RSPO3: variants seen among roughly 807,000 people sequenced by gnomAD.
RSPO3 encodes R-spondin-3.
A neutral mutation model predicts 36.5 loss-of-function variants in RSPO3; 17 were observed. The observed-to-expected ratio is 0.47, with a 90% CI of 0.32 to 0.70. RSPO3 has a LOEUF of 0.70. RSPO3 is among the 30% of genes least tolerant of loss of function. RSPO3 has a pLI of 0.04. For missense variants in RSPO3, 294 were observed against 322.5 expected (o/e 0.91, Z 0.68); for synonymous variants, 108 against 107.0 (o/e 1.01, Z -0.06).
intron 4 of RSPO3, among the ~76,000 whole-genome samples, chr6:127,168,516 G>T (rs1774871308): frequency 6.6e-6 from 1 of 152,042 alleles, no homozygotes; most frequent in Admixed American, 6.6e-5. Context: ...TTTTTCAAAT[G>T]GGTAGATTGC....
At chr6:127,153,662 T>C (rs904195769) in intron 3 of RSPO3, among the ~76,000 whole-genome samples, 1 of 152,110 alleles carries the variant, frequency 6.6e-6, no homozygotes, top group African/African-American at 2.4e-5. Context: ...TTTGCTATTA[T>C]GAAAGAGCAC....
intron 1 of RSPO3, among the ~76,000 whole-genome samples, chr6:127,147,764 G>T (rs1774416805): frequency 6.6e-6 from 1 of 152,130 alleles, no homozygotes; most frequent in Non-Finnish European, 1.5e-5. Context: ...TGGAATATGT[G>T]TAACAGTGAT....
At chr6:127,173,972 G>A (rs1330687908) in intron 4 of RSPO3, among the ~76,000 whole-genome samples, 1 of 151,900 alleles carries the variant, frequency 6.6e-6, no homozygotes, top group East Asian at 1.9e-4. Context: ...GCTCATTCGT[G>A]TGGGCGCACA....
chr6:127,163,967 C>G (rs771581007), intron 4 of RSPO3, among the ~76,000 whole-genome samples: 13 of 152,092 alleles, frequency 8.5e-5, no homozygotes, highest in Non-Finnish European at 1.5e-4. Context: ...TTTCAGCTCA[C>G]ACTGCCTTCA....
intron 4 of RSPO3, among the ~76,000 whole-genome samples, chr6:127,156,226 T>C (rs944702633): frequency 6.6e-6 from 1 of 152,204 alleles, no homozygotes; most frequent in African/African-American, 2.4e-5. Context: ...TTCATATTGA[T>C]TTCTTTTCAT....
At chr6:127,181,079 T>G (rs1224376562) in intron 4 of RSPO3, among the ~76,000 whole-genome samples, 1 of 151,852 alleles carries the variant, frequency 6.6e-6, no homozygotes, top group Non-Finnish European at 1.5e-5. Context: ...CTTGAGAGTT[T>G]AAGTAATATC....
At chr6:127,182,048 T>C (rs1333431378) in intron 4 of RSPO3, among the ~76,000 whole-genome samples, 1 of 151,764 alleles carries the variant, frequency 6.6e-6, no homozygotes, top group Non-Finnish European at 1.5e-5. Context: ...GTGCAGATCA[T>C]ATGACTAGAG....
chr6:127,177,487 C>G (rs12201742), intron 4 of RSPO3, among the ~76,000 whole-genome samples: 2 of 151,836 alleles, frequency 1.3e-5, no homozygotes, highest in South Asian at 4.2e-4. Context: ...AACAGGATTG[C>G]GATGTAATCT....
chr6:127,152,257 C>T (rs1454789630), intron 3 of RSPO3, among the ~76,000 whole-genome samples: 1 of 152,110 alleles, frequency 6.6e-6, no homozygotes, highest in Admixed American at 6.6e-5. Context: ...TTAACAGATG[C>T]AAATGACCTA....
At chr6:127,126,741 T>C (rs1172746852) in intron 1 of RSPO3, among the ~76,000 whole-genome samples, 1 of 152,128 alleles carries the variant, frequency 6.6e-6, no homozygotes, top group Non-Finnish European at 1.5e-5. Flanking sequence ...GTATGCTCTC[T>C]TAATATAAGA....
chr6:127,170,025 A>AT (rs1295673263), intron 4 of RSPO3, among the ~76,000 whole-genome samples: 1 of 151,736 alleles, frequency 6.6e-6, no homozygotes, highest in African/African-American at 2.4e-5. Flanking sequence ...TGTAAAGCAG[A>AT]TTTGAGCATT....
chr6:127,160,374 A>G (rs1774687084), intron 4 of RSPO3, among the ~76,000 whole-genome samples: 1 of 152,166 alleles, frequency 6.6e-6, no homozygotes, highest in Non-Finnish European at 1.5e-5. Context: ...AGGACCCTGA[A>G]AAGTGGGGCT....
At chr6:127,128,796 C>T (rs1032908348) in intron 1 of RSPO3, among the ~76,000 whole-genome samples, 2 of 152,014 alleles carry the variant, frequency 1.3e-5, no homozygotes, top group Admixed American at 6.6e-5. Context: ...GCAAAATGCA[C>T]ACAATAGGAC....
chr6:127,141,861 A>G (rs1161515888), intron 1 of RSPO3, among the ~76,000 whole-genome samples: 2 of 152,014 alleles, frequency 1.3e-5, no homozygotes, highest in African/African-American at 2.4e-5. Context: ...GTGCATATAT[A>G]TATGTATATA....
rs568256779 is a variant in RSPO3, at chr6:127,176,605, G to T, written c.635-19218G>T. Among the ~76,000 whole-genome samples the T allele has an allele frequency of 7.3e-5, 11 of 151,338 alleles. No homozygotes were observed. The South Asian group carries it at 2.1e-3, about 29-fold the overall frequency. ...TTAAAAAACTACAGTGGGTTTTCAT[G>T]TCTAGGAAAACAATATGACACTTCA... On this transcript the variant is annotated intron_variant, in intron 4 of 4. Coordinates refer to ENST00000356698, the MANE Select transcript of RSPO3 (RefSeq NM_032784.5).
intron 1 of RSPO3, among the ~76,000 whole-genome samples, chr6:127,129,959 A>G (rs1426743072): frequency 6.6e-6 from 1 of 152,160 alleles, no homozygotes; most frequent in African/African-American, 2.4e-5. Flanking sequence ...ACATTTGGCA[A>G]CAAGAAAATG....
At chr6:127,171,893 T>A (rs764695099) in intron 4 of RSPO3, among the ~76,000 whole-genome samples, 1 of 151,672 alleles carries the variant, frequency 6.6e-6, no homozygotes, top group African/African-American at 2.4e-5. Context: ...CATTTATAAT[T>A]AATATTAATA....
At chr6:127,195,194 T>C (rs552472868) in intron 4 of RSPO3, among the ~76,000 whole-genome samples, 3 of 152,074 alleles carry the variant, frequency 2.0e-5, no homozygotes, top group Non-Finnish European at 4.4e-5. Context: ...GGAGATAGAA[T>C]CTCCCTCTCT....
intron 4 of RSPO3, among the ~76,000 whole-genome samples, chr6:127,174,059 C>A (rs1353903215): frequency 6.6e-6 from 1 of 151,520 alleles, no homozygotes; most frequent in Non-Finnish European, 1.5e-5. Flanking sequence ...TATCTATTTA[C>A]AGTTTAGTTG....
Sources: gnomAD v4.1 joint callset for allele counts (sites outside exome capture counted in the v4.1 genomes callset) on GRCh38, gnomAD v4.1.1 for gene constraint, MANE v1.5 for transcripts, NCBI Gene and HGNC (gene_info 2026-07-23, HGNC 2026-07-21) for gene names.